Variants in RPSA2 observed in about 807,000 individuals in gnomAD.
The protein encoded by RPSA2 is ribosomal protein SA 2.
the RPSA2 span, among the ~76,000 whole-genome samples, chr19:23,781,288 GTAACCAAAATTCAA>G: frequency 3.3e-5 from 5 of 151,800 alleles, no homozygotes; most frequent in Non-Finnish European, 7.4e-5. Context: ...TAGTGACTCT[GTAACCAAAATTCAA>G]CACACCTTTG....
the RPSA2 span, among the ~76,000 whole-genome samples, chr19:23,857,065 C>T: frequency 3.9e-4 from 60 of 152,258 alleles, no homozygotes; most frequent in African/African-American, 9.4e-4. Context: ...TTATCTCAAT[C>T]GCATAGAACA....
At chr19:23,827,017 A>AT in the RPSA2 span, 1 of 661,518 alleles carries the variant, frequency 1.5e-6, no homozygotes, top group South Asian at 1.7e-5. Flanking sequence ...AATTATATCT[A>AT]CTGAATGATT....
At chr19:23,793,910 G>A in the RPSA2 span, among the ~76,000 whole-genome samples, 2 of 151,990 alleles carry the variant, frequency 1.3e-5, no homozygotes, top group Admixed American at 6.6e-5. Context: ...GGGACTACAG[G>A]CATGCACCAC....
the RPSA2 span, among the ~76,000 whole-genome samples, chr19:23,843,505 G>A: frequency 6.6e-6 from 1 of 152,232 alleles, no homozygotes; most frequent in South Asian, 2.1e-4. Flanking sequence ...GGTACCATGA[G>A]AGCTAAAGTC....
At chr19:23,828,949 AC>A in the RPSA2 span, among the ~76,000 whole-genome samples, 6 of 151,906 alleles carry the variant, frequency 3.9e-5, no homozygotes, top group Non-Finnish European at 7.4e-5. Context: ...ACACACACAC[AC>A]ACACACACAC....
chr19:23,841,381 G>A, the RPSA2 span, among the ~76,000 whole-genome samples: 1,222 of 152,028 alleles, frequency 8.0e-3, 19 homozygotes, highest in African/African-American at 0.028. Flanking sequence ...GGAGAATGGC[G>A]TGAACCTGAG....
At chr19:23,864,113 C>T in the RPSA2 span, among the ~76,000 whole-genome samples, 3 of 152,036 alleles carry the variant, frequency 2.0e-5, no homozygotes, top group Non-Finnish European at 4.4e-5. Flanking sequence ...ATTTTCCTGT[C>T]GAAAAAGTAA....
chr19:23,791,794 C>A, the RPSA2 span, among the ~76,000 whole-genome samples: 1 of 147,720 alleles, frequency 6.8e-6, no homozygotes, highest in Non-Finnish European at 1.5e-5. Context: ...GACTGGAGTG[C>A]AGTGGCATGA....
the RPSA2 span, among the ~76,000 whole-genome samples, chr19:23,826,566 G>A: frequency 6.6e-6 from 1 of 151,990 alleles, no homozygotes; most frequent in Non-Finnish European, 1.5e-5. Flanking sequence ...ACTACTTCAT[G>A]TATGTCATAA....
the RPSA2 span, among the ~76,000 whole-genome samples, chr19:23,841,031 A>ATGTT: frequency 4.0e-5 from 6 of 150,202 alleles, no homozygotes; most frequent in Non-Finnish European, 8.9e-5. Flanking sequence ...TACATAAAAC[A>ATGTT]TGTTTTTTAT....
the RPSA2 span, among the ~76,000 whole-genome samples, chr19:23,841,196 T>C: frequency 6.6e-6 from 1 of 152,112 alleles, no homozygotes; most frequent in Non-Finnish European, 1.5e-5. Context: ...TTCCCTATAA[T>C]GTTTCTTTTA....
At chr19:23,866,488 G>C in the RPSA2 span, among the ~76,000 whole-genome samples, 1 of 151,642 alleles carries the variant, frequency 6.6e-6, no homozygotes, top group Non-Finnish European at 1.5e-5. Flanking sequence ...CAGACCTCAG[G>C]ACAAAAAGGA....
At chr19:23,758,644 CGAG>C in the RPSA2 span, 53 of 1,575,334 alleles carry the variant, frequency 3.4e-5, no homozygotes, top group East Asian at 6.0e-4. Flanking sequence ...GCCGCCTGGG[CGAG>C]GAGAACTCAG....
the RPSA2 span, among the ~76,000 whole-genome samples, chr19:23,805,121 GCACACACACACACACACACA>G: frequency 4.2e-4 from 63 of 149,502 alleles, no homozygotes; most frequent in Non-Finnish European, 6.7e-4. Context: ...AAAATAAAAA[GCACACACACACACACACACA>G]CACACACACA....
the RPSA2 span, among the ~76,000 whole-genome samples, chr19:23,819,703 C>G: frequency 6.6e-6 from 1 of 152,178 alleles, no homozygotes; most frequent in Non-Finnish European, 1.5e-5. Flanking sequence ...CGAACAAGAT[C>G]TCATAGGTGA....
At chr19:23,771,020 A>T in the RPSA2 span, among the ~76,000 whole-genome samples, 1 of 152,338 alleles carries the variant, frequency 6.6e-6, no homozygotes, top group Admixed American at 6.5e-5. Flanking sequence ...GGTCAGGAAA[A>T]TGAGTAATAT....
At chr19:23,868,496 CG>C in the RPSA2 span, among the ~76,000 whole-genome samples, 2 of 147,102 alleles carry the variant, frequency 1.4e-5, no homozygotes, top group South Asian at 4.7e-4. Context: ...AACGTTACAA[CG>C]CATGTTGAGA....
At chr19:23,786,106 T>C in the RPSA2 span, among the ~76,000 whole-genome samples, 34 of 152,238 alleles carry the variant, frequency 2.2e-4, no homozygotes, top group South Asian at 6.2e-3. Flanking sequence ...CTTTAGCGGG[T>C]GAAAATTCTA....
At chr19:23,766,142 C>CTTTTTTTTTTTTTTTTTTTTTTTTTT in the RPSA2 span, among the ~76,000 whole-genome samples, 26 of 43,260 alleles carry the variant, frequency 6.0e-4, 12 homozygotes, top group South Asian at 1.2e-3. Flanking sequence ...TATTTCATTT[C>CTTTTTTTTTTTTTTTTTTTTTTTTTT]CTTTTTTTTT....
Sources: allele counts gnomAD v4.1 joint callset (sites outside exome capture counted in the v4.1 genomes callset), GRCh38; gene constraint gnomAD v4.1.1; transcripts MANE v1.5; gene names NCBI Gene and HGNC (gene_info 2026-07-23, HGNC 2026-07-21).